The following STXBP5L variants were observed in gnomAD, a reference collection of about 807,000 sequenced individuals.
STXBP5L encodes the protein syntaxin binding protein 5L.
Under a neutral mutation model 144.5 loss-of-function variants are expected in STXBP5L, and 65 were observed. The observed-to-expected ratio is 0.45, with a 90% CI of 0.37 to 0.55. The LOEUF is 0.55. Ranked by LOEUF, STXBP5L falls within the 20% of genes least tolerant of loss-of-function variation. STXBP5L has a pLI of 0.00. For synonymous variants in STXBP5L, 505 were observed against 469.6 expected (o/e 1.08, Z -0.97); for missense variants, 1,298 against 1,405.5 (o/e 0.92, Z 1.22).
chr3:121,160,059 A>C (rs1448290324), intron 9 of STXBP5L, among the ~76,000 whole-genome samples: 1 of 152,218 alleles, frequency 6.6e-6, no homozygotes, highest in Non-Finnish European at 1.5e-5. Context: ...CATTTCTCTT[A>C]TAATGGATTT....
At chr3:120,966,139 A>G (rs1167713772) in intron 3 of STXBP5L, among the ~76,000 whole-genome samples, 1 of 152,128 alleles carries the variant, frequency 6.6e-6, no homozygotes, top group Non-Finnish European at 1.5e-5. Flanking sequence ...CAGGTCATTT[A>G]AGGTCTTCTA....
At chr3:121,250,812 T>C (rs1177153318) in intron 15 of STXBP5L, 49 bp downstream of exon 15, 1 of 1,508,544 alleles carries the variant, frequency 6.6e-7, no homozygotes, top group Non-Finnish European at 9.1e-7. Context: ...TAATATTTAC[T>C]TATAGCCAGC....
Position 121,346,689 on chromosome 3 carries a change from G to T in STXBP5L, c.2176+28149G>T, listed in dbSNP as rs556982168. Among the ~76,000 whole-genome samples the T allele has an allele frequency of 3.9e-4, 60 of 152,158 alleles. 1 individual carries two copies. The highest frequency in any genetic ancestry group is 1.0e-3 in the African/African-American group (43 of 41,522). On this transcript the variant is annotated intron_variant, in intron 20 of 26. Coordinates refer to ENST00000471454, the MANE Select transcript of STXBP5L (RefSeq NM_001308330.2). ...TCTCATTGTGGTTTTGATTTGCATT[G>T]CTCTGATGGCCAGTGGTGATGAGCA...
At chr3:120,930,626 C>G (rs113614960) in intron 2 of STXBP5L, among the ~76,000 whole-genome samples, 2,509 of 152,106 alleles carry the variant, frequency 0.016, 63 homozygotes, top group African/African-American at 0.057. Flanking sequence ...TGATATATCA[C>G]ATTTTGACAT....
chr3:121,160,593 G>T (rs1209997339), intron 9 of STXBP5L, among the ~76,000 whole-genome samples: 6 of 152,050 alleles, frequency 3.9e-5, no homozygotes, highest in Non-Finnish European at 1.5e-5. Flanking sequence ...TGTGGATTTG[G>T]GTATAGGAGG....
intron 2 of STXBP5L, among the ~76,000 whole-genome samples, chr3:120,920,599 T>G (rs1709315340): frequency 6.6e-6 from 1 of 151,832 alleles, no homozygotes; most frequent in African/African-American, 2.4e-5. Flanking sequence ...ATATTATTTC[T>G]TGATTCAAAA....
chr3:121,181,570 C>T (rs1270379364), intron 9 of STXBP5L, among the ~76,000 whole-genome samples: 1 of 152,106 alleles, frequency 6.6e-6, no homozygotes, highest in African/African-American at 2.4e-5. Flanking sequence ...CCCTTCTCTA[C>T]TAAAAATGCA....
chr3:121,210,011 T>C, intron 10 of STXBP5L, among the ~76,000 whole-genome samples: 1 of 152,224 alleles, frequency 6.6e-6, no homozygotes, highest in East Asian at 1.9e-4. Flanking sequence ...CTCACCACAC[T>C]GTCTTCCACA....
intron 7 of STXBP5L, among the ~76,000 whole-genome samples, chr3:121,129,551 A>G (rs2044874997): frequency 6.6e-6 from 1 of 152,014 alleles, no homozygotes; most frequent in Non-Finnish European, 1.5e-5. Flanking sequence ...GGTACCTAAG[A>G]TACAGTTACA....
intron 11 of STXBP5L, among the ~76,000 whole-genome samples, chr3:121,229,647 C>T (rs886272585): frequency 6.6e-6 from 1 of 152,172 alleles, no homozygotes; most frequent in African/African-American, 2.4e-5. Flanking sequence ...CCTCAAACTC[C>T]TGGGCTCAAG....
chr3:120,929,444 A>G (rs911780972), intron 2 of STXBP5L, among the ~76,000 whole-genome samples: 5 of 152,172 alleles, frequency 3.3e-5, no homozygotes, highest in Admixed American at 2.0e-4. Flanking sequence ...ACTTAACATT[A>G]GAATATAAAC....
chr3:121,186,365 G>C (rs1217083410), intron 9 of STXBP5L, among the ~76,000 whole-genome samples: 1 of 152,152 alleles, frequency 6.6e-6, no homozygotes. Flanking sequence ...GGGCATCCCT[G>C]TCTTGTGCCC....
At chr3:121,039,799 C>A (rs981896671) in intron 3 of STXBP5L, among the ~76,000 whole-genome samples, 1 of 151,904 alleles carries the variant, frequency 6.6e-6, no homozygotes, top group Non-Finnish European at 1.5e-5. Context: ...TTGACATTGA[C>A]CCACAGTTCA....
intron 5 of STXBP5L, among the ~76,000 whole-genome samples, chr3:121,076,491 A>G (rs1345656370): frequency 2.0e-5 from 3 of 151,998 alleles, no homozygotes; most frequent in African/African-American, 7.2e-5. Context: ...AGAGTCTTAC[A>G]GTAGGTCTTA....
At chr3:121,009,360 A>G (rs1402467808) in intron 3 of STXBP5L, among the ~76,000 whole-genome samples, 1 of 151,894 alleles carries the variant, frequency 6.6e-6, no homozygotes, top group South Asian at 2.1e-4. Context: ...TGACCAACCA[A>G]TCATGCCATT....
At chr3:121,305,486 G>C (rs181519935) in intron 19 of STXBP5L, among the ~76,000 whole-genome samples, 1 of 152,156 alleles carries the variant, frequency 6.6e-6, no homozygotes, top group Non-Finnish European at 1.5e-5. Flanking sequence ...ATTTATCCCA[G>C]GAATGCAAGT....
intron 3 of STXBP5L, among the ~76,000 whole-genome samples, chr3:120,998,292 A>G (rs892042865): frequency 2.0e-4 from 30 of 152,140 alleles, no homozygotes; most frequent in Non-Finnish European, 4.1e-4. Context: ...AAGTTAAATG[A>G]TCCCTGTTTG....
At chr3:121,044,656 C>G (rs1348449644) in intron 4 of STXBP5L, among the ~76,000 whole-genome samples, 2 of 152,036 alleles carry the variant, frequency 1.3e-5, no homozygotes, top group African/African-American at 4.8e-5. Flanking sequence ...GGTAAAAGTT[C>G]TAACATTTTA....
intron 5 of STXBP5L, among the ~76,000 whole-genome samples, chr3:121,062,740 C>T (rs2107635547): frequency 6.6e-6 from 1 of 152,242 alleles, no homozygotes; most frequent in East Asian, 1.9e-4. Flanking sequence ...TGTCTTCGTG[C>T]TGTATTTCAT....
Sources: gnomAD v4.1 joint callset for allele counts (sites outside exome capture counted in the v4.1 genomes callset) on GRCh38, gnomAD v4.1.1 for gene constraint, MANE v1.5 for transcripts, NCBI Gene and HGNC (gene_info 2026-07-23, HGNC 2026-07-21) for gene names.